Variants in EPB41L3 observed in about 807,000 individuals in gnomAD.
The protein encoded by EPB41L3 is band 4.1-like protein 3.
EPB41L3 carries 57 observed loss-of-function variants against 127.1 expected under a neutral mutation model. The ratio of observed to expected loss-of-function variants is 0.45; its 90% CI spans 0.36 to 0.56. The LOEUF (loss-of-function observed/expected upper bound fraction) is 0.56, where lower values mean the gene tolerates loss of function less well. EPB41L3 is among the 20% of genes least tolerant of loss of function. The pLI is 0.00. For missense variants in EPB41L3, 1,273 were observed against 1,372.2 expected (o/e 0.93, Z 1.14); for synonymous variants, 572 against 549.5 (o/e 1.04, Z -0.57).
At chr18:5,485,136 A>G (rs1454409217) in intron 2 of EPB41L3, among the ~76,000 whole-genome samples, 1 of 152,082 alleles carries the variant, frequency 6.6e-6, no homozygotes, top group Non-Finnish European at 1.5e-5. Flanking sequence ...AAGGGGACTG[A>G]AAAGATCATT....
chr18:5,579,393 T>G (rs1303208615), intron 3 of EPB41L3, among the ~76,000 whole-genome samples: 1 of 152,216 alleles, frequency 6.6e-6, no homozygotes. Context: ...TTATTTAAGA[T>G]GTCTAATAGA....
At chr18:5,542,143 T>C (rs2093748367) in intron 1 of EPB41L3, among the ~76,000 whole-genome samples, 2 of 152,256 alleles carry the variant, frequency 1.3e-5, no homozygotes, top group South Asian at 2.1e-4. Context: ...AAAATTAACA[T>C]GCATTTTTTA....
chr18:5,576,992 C>T (rs993433007), intron 3 of EPB41L3, among the ~76,000 whole-genome samples: 5 of 125,782 alleles, frequency 4.0e-5, no homozygotes, highest in Admixed American at 8.1e-5. Flanking sequence ...GACTTTCTGA[C>T]GAATTGGTCA....
intron 3 of EPB41L3, among the ~76,000 whole-genome samples, chr18:5,452,303 C>T (rs1020211037): frequency 9.2e-5 from 14 of 151,746 alleles, no homozygotes; most frequent in African/African-American, 2.7e-4. Context: ...ATAGCTTTTT[C>T]GGATTTCGTC....
chr18:5,398,917 TG>T (rs1434573716), intron 16 of EPB41L3: 4 of 398,998 alleles, frequency 1.0e-5, no homozygotes, highest in Non-Finnish European at 1.8e-5. Flanking sequence ...GCCTCCTTGA[TG>T]GGGGCCAGGG....
intron 3 of EPB41L3, among the ~76,000 whole-genome samples, chr18:5,563,141 A>T (rs1403017960): frequency 1.3e-5 from 2 of 152,250 alleles, no homozygotes; most frequent in Admixed American, 6.5e-5. Flanking sequence ...TGGATTAGAA[A>T]AGCCACAGGA....
At chr18:5,463,254 G>A (rs1423264432) in intron 3 of EPB41L3, among the ~76,000 whole-genome samples, 2 of 152,258 alleles carry the variant, frequency 1.3e-5, no homozygotes, top group East Asian at 3.9e-4. Flanking sequence ...AAACATGAAT[G>A]AGCCAAATAA....
intron 8 of EPB41L3, among the ~76,000 whole-genome samples, chr18:5,430,847 T>G (rs933014612): frequency 1.3e-5 from 2 of 152,186 alleles, no homozygotes; most frequent in Non-Finnish European, 2.9e-5. Flanking sequence ...TGAGCCACCT[T>G]GCTGGGCCTG....
intron 1 of EPB41L3, among the ~76,000 whole-genome samples, chr18:5,498,491 G>T (rs1300123332): frequency 1.4e-5 from 2 of 146,984 alleles, no homozygotes; most frequent in Non-Finnish European, 3.0e-5. Flanking sequence ...CTACTTGGGA[G>T]GCTGAGTAAT....
intron 9 of EPB41L3, among the ~76,000 whole-genome samples, chr18:5,424,626 A>C (rs1212525267): frequency 6.6e-6 from 1 of 152,218 alleles, no homozygotes; most frequent in South Asian, 2.1e-4. Context: ...ACTGAAAACC[A>C]AACACGAAAA....
intron 3 of EPB41L3, among the ~76,000 whole-genome samples, chr18:5,573,912 C>T (rs1037571453): frequency 6.7e-6 from 1 of 150,160 alleles, no homozygotes; most frequent in Non-Finnish European, 1.5e-5. Context: ...AATATATATA[C>T]CTTTTTTTTT....
At chr18:5,449,441 C>T (rs1281531439) in intron 3 of EPB41L3, among the ~76,000 whole-genome samples, 1 of 152,104 alleles carries the variant, frequency 6.6e-6, no homozygotes, top group Admixed American at 6.6e-5. Flanking sequence ...AAAACTAAAC[C>T]TATTCTTGCA....
intron 3 of EPB41L3, among the ~76,000 whole-genome samples, chr18:5,550,757 C>T (rs2093952801): frequency 6.6e-6 from 1 of 152,218 alleles, no homozygotes; most frequent in African/African-American, 2.4e-5. Context: ...GTTTGCCACT[C>T]TGGAACCAGG....
intron 1 of EPB41L3, among the ~76,000 whole-genome samples, chr18:5,526,177 C>T (rs2093213958): frequency 1.3e-5 from 2 of 152,160 alleles, no homozygotes; most frequent in African/African-American, 4.8e-5. Flanking sequence ...AGAGTAATAA[C>T]ATCCAATTGA....
intron 1 of EPB41L3, among the ~76,000 whole-genome samples, chr18:5,526,959 G>C (rs575693717): frequency 8.0e-5 from 12 of 150,696 alleles, no homozygotes; most frequent in Non-Finnish European, 1.3e-4. Context: ...GTGAAAATGA[G>C]AGGAGTACGA....
intron 13 of EPB41L3, among the ~76,000 whole-genome samples, chr18:5,411,894 C>A (rs2076243984): frequency 6.6e-6 from 1 of 152,164 alleles, no homozygotes; most frequent in Admixed American, 6.5e-5. Context: ...GCACATGTAC[C>A]TGAGGACACC....
chr18:5,522,761 A>G (rs959593365), intron 1 of EPB41L3, among the ~76,000 whole-genome samples: 8 of 152,182 alleles, frequency 5.3e-5, no homozygotes, highest in Admixed American at 3.9e-4. Context: ...ATCTTAAACA[A>G]TGAAAAATGA....
chr18:5,587,873 T>G (rs1403487545), intron 3 of EPB41L3, among the ~76,000 whole-genome samples: 1 of 152,302 alleles, frequency 6.6e-6, no homozygotes, highest in East Asian at 1.9e-4. Flanking sequence ...GATACAATTA[T>G]GACAATAATG....
intron 1 of EPB41L3, among the ~76,000 whole-genome samples, chr18:5,625,720 A>G (rs763951780): frequency 7.9e-5 from 12 of 152,306 alleles, no homozygotes; most frequent in Non-Finnish European, 1.6e-4. Flanking sequence ...AAGCCAGGTC[A>G]TATTCTAGGT....
Sources: gnomAD v4.1 joint callset for allele counts (sites outside exome capture counted in the v4.1 genomes callset) on GRCh38, gnomAD v4.1.1 for gene constraint, MANE v1.5 for transcripts, NCBI Gene and HGNC (gene_info 2026-07-23, HGNC 2026-07-21) for gene names.